SLC39A4: variants seen among roughly 807,000 people sequenced by gnomAD.
SLC39A4 encodes the protein zinc transporter ZIP4.
A neutral mutation model predicts 56.6 loss-of-function variants in SLC39A4; 49 were observed. The ratio of observed to expected loss-of-function variants is 0.87; its 90% CI spans 0.69 to 1.10. The LOEUF is 1.10. SLC39A4 is among the 50% of genes least tolerant of loss of function. SLC39A4 has a pLI of 0.00. For synonymous variants in SLC39A4, 540 were observed against 420.4 expected (o/e 1.28, Z -3.48); for missense variants, 993 against 864.2 (o/e 1.15, Z -1.87).
rs200819089 is a variant in SLC39A4, at chr8:144,415,303, G to A, written c.591C>T (p.His197=). The change falls in exon 3 of 12, where the codon CAC becomes CAT. Residue 197 remains histidine (H), a synonymous_variant. Coordinates refer to ENST00000301305, the MANE Select transcript of SLC39A4 (RefSeq NM_130849.4). The part of the protein sequence containing the change: ...LDHVRSGSCF[H]ALPSPQYFVD... The stretch of plus-strand genomic sequence containing the variant: ...CGAAGTACTGAGGGCTCGGCAAGGC[G>A]TGGAAGCAAGACCCGCTCCTGACAT... The A allele has an allele frequency of 5.6e-5, 90 of 1,613,158 alleles. No individual in the cohort carries two copies. The highest frequency in any genetic ancestry group is 4.0e-4 in the East Asian group (18 of 44,882).
intron 4 of SLC39A4, 34 bp downstream of exon 4, chr8:144,414,940 G>A (rs966652312): frequency 1.9e-6 from 3 of 1,612,886 alleles, no homozygotes; most frequent in African/African-American, 1.3e-5. Context: ...GCAGACCCCG[G>A]TGAGGCCCCA....
chr8:144,415,875 T>G lies in SLC39A4; in HGVS notation c.409A>C (p.Thr137Pro), dbSNP rs1554873816. Reference protein sequence around the residue: ...LALLESPKALTPGLSWLLQRM... With the variant: ...LALLESPKALPPGLSWLLQRM... ...TGCAGCAGCCAGCTCAGGCCCGGGG[T>G]CAGGGCCTTGGGGCTCTCGAGCAGG... Residue 137 changes from threonine to proline, a missense_variant, in exon 2 of 12, where the codon ACC (threonine) becomes CCC (proline). By Grantham distance (38) the Thr-to-Pro change is conservative. Transcript: ENST00000301305. 2.5e-6 allele frequency: 4 copies of G among 1,596,946 alleles called. No individual in the cohort carries two copies. The highest frequency in any genetic ancestry group is 2.2e-5 in the South Asian group (2 of 89,840).
rs781829841 is a variant in SLC39A4 at position 144,414,099 on chromosome 8, G to A, written c.1150-4C>T. ...TGTGTGTATGCAGCCCCAGCACCTGGGGAGTAGGGGCGCTGGGCTGGGGGG... is the reference window on the plus strand; with the variant it reads ...TGTGTGTATGCAGCCCCAGCACCTGAGGAGTAGGGGCGCTGGGCTGGGGGG... On this transcript the variant is annotated splice_region_variant and splice_polypyrimidine_tract_variant and intron_variant, in intron 6 of 11. Coordinates refer to ENST00000301305, the MANE Select transcript of SLC39A4 (RefSeq NM_130849.4). 6.4e-7 allele frequency: 1 copy of A among 1,555,810 alleles called. No individual in the cohort carries two copies. Among genetic ancestry groups the A allele is most frequent in the African/African-American group, 1.4e-5 (1 of 73,384 alleles).
rs927556104 is a variant in SLC39A4, at chr8:144,413,515, G to A, written c.1472C>T (p.Pro491Leu). The change falls in exon 9 of 12, where the codon CCA becomes CTA. Residue 491 changes from proline (P) to leucine (L), a missense_variant and splice_region_variant. Transcript: ENST00000301305. Reference sequence around the variant, plus strand: ...CCGGGGTCGCCCCCTGGGCTCACCTGGGCTCAGTCTCCTGGGCTCAGGGTT... The same window carrying A: ...CCGGGGTCGCCCCCTGGGCTCACCTAGGCTCAGTCTCCTGGGCTCAGGGTT... The part of the protein sequence containing the change: ...LLNPEPRRLS[P>L]ELRLLPYMIT... 3 of 1,556,818 alleles carry A rather than the reference G, an allele frequency of 1.9e-6. No individual in the cohort carries two copies. The highest frequency in any genetic ancestry group is 1.7e-6 in the Non-Finnish European group (2 of 1,150,256).
At position 144,414,073 on chromosome 8, in the gene SLC39A4, CTG is replaced by C; in HGVS notation, c.1170_1171del (p.His390GlnfsTer27). ...GGGCTGTGGGCTGAGGCCCTCTTCG[CTG>C]TGTGTATGCAGCCCCAGCACCTGGG... On this transcript the variant is annotated frameshift_variant, in exon 7 of 12. Transcript: ENST00000301305. LOFTEE classifies it high-confidence loss of function. 1 of 1,561,794 alleles carries C rather than the reference CTG, an allele frequency of 6.4e-7. No homozygotes were observed. Among genetic ancestry groups the C allele is most frequent in the Non-Finnish European group, 8.7e-7 (1 of 1,153,278 alleles).
Position 144,415,344 on chromosome 8 carries a change from C to G in SLC39A4, c.550G>C (p.Ala184Pro). The change falls in exon 3 of 12, where the codon GCT becomes CCT. Residue 184 changes from alanine to proline, a missense_variant. Physicochemically the swap from Ala to Pro is conservative, Grantham distance 27 (BLOSUM62 -1). Coordinates refer to ENST00000301305, the MANE Select transcript of SLC39A4 (RefSeq NM_130849.4). Reference sequence around the variant, plus strand: ...CTCCTGACATGGTCCAGCAGGGCAGCCAGGACGCCGCCAGCACTGCCCGGA... The same window carrying G: ...CTCCTGACATGGTCCAGCAGGGCAGGCAGGACGCCGCCAGCACTGCCCGGA... The part of the protein sequence containing the change: ...GAPGSAGGVL[A>P]ALLDHVRSGS... 1 of 1,611,940 alleles carries G rather than the reference C, an allele frequency of 6.2e-7. No homozygotes were observed. The highest frequency in any genetic ancestry group is 8.5e-7 in the Non-Finnish European group (1 of 1,179,524).
At chr8:144,414,218 G>A (rs1564708380) in intron 6 of SLC39A4, 44 bp downstream of exon 6, 1 of 1,597,046 alleles carries the variant, frequency 6.3e-7, no homozygotes, top group Admixed American at 1.8e-5. Context: ...GGGAGTCCAT[G>A]GTGGGGAACG....
At position 144,415,826 on chromosome 8, in the gene SLC39A4, C is replaced by T. The variant is rs190731446; in HGVS notation, c.458G>A (p.Gly153Asp). The T allele has an allele frequency of 2.5e-6, 4 of 1,594,178 alleles. No homozygotes were observed. The highest frequency in any genetic ancestry group is 2.6e-6 in the Non-Finnish European group (3 of 1,175,470). Residue 153 changes from glycine to aspartate, a missense_variant, in exon 2 of 12, where the codon GGC becomes GAC. Physicochemically the swap from Gly to Asp is moderately conservative, Grantham distance 94. Transcript: ENST00000301305. ...LLQRMQARAA[G>D]QTPKMACVDI... ...CTCCCTCACCATCTTGGGGGTCTGG[C>T]CGGCAGCCCGGGCCTGCATCCTCTG...
chr8:144,414,481 C>T (rs1213812726), intron 5 of SLC39A4, 47 bp from the exon 6 acceptor site: 14 of 1,548,264 alleles, frequency 9.0e-6, no homozygotes, highest in African/African-American at 1.4e-5. Context: ...CCAGACTCAG[C>T]CCCTGCTTCC....
chr8:144,412,439 G>C lies in SLC39A4; in HGVS notation c.*99C>G. 6.3e-7 allele frequency: 1 copy of C among 1,587,198 alleles called. No homozygotes were observed. Among genetic ancestry groups the C allele is most frequent in the Non-Finnish European group, 8.6e-7 (1 of 1,157,612 alleles). ...TCCAAGGACAAGAGTGTCTTTACTG[G>C]AGTTGGGACTGGGGCCTCTATAGGG... On this transcript the variant is annotated 3_prime_UTR_variant, in exon 12 of 12. Coordinates refer to ENST00000301305, the MANE Select transcript of SLC39A4 (RefSeq NM_130849.4).
intron 11 of SLC39A4, 44 bp downstream of exon 11, chr8:144,412,715 C>T (rs1554871875): frequency 1.2e-6 from 2 of 1,613,434 alleles, no homozygotes; most frequent in Non-Finnish European, 1.7e-6. Flanking sequence ...AGCTCCTCTG[C>T]TCAGCTCCCG....
chr8:144,415,741 C>A (rs1035402756), intron 2 of SLC39A4, 69 bp downstream of exon 2: 4 of 1,482,882 alleles, frequency 2.7e-6, no homozygotes, highest in Non-Finnish European at 3.6e-6. Flanking sequence ...GCTTTGCAGC[C>A]AGGCCGGGTC....
At chr8:144,416,421 C>G (rs753873322) in intron 1 of SLC39A4, 177 bp downstream of exon 1, 4 of 1,447,678 alleles carry the variant, frequency 2.8e-6, no homozygotes, top group Non-Finnish European at 3.6e-6. Context: ...AAAGGCCTGT[C>G]TGCCCTCATG....
At chr8:144,413,214 T>G (rs1554872210) in intron 10 of SLC39A4, 23 bp downstream of exon 10, 1 of 1,415,150 alleles carries the variant, frequency 7.1e-7, no homozygotes, top group Non-Finnish European at 9.4e-7. Flanking sequence ...GCCCATCTCC[T>G]TCCAGGCCCC....
Position 144,415,153 on chromosome 8 carries a change from C to T in SLC39A4, c.668-43G>A, listed in dbSNP as rs782152455. 38 of 1,612,704 alleles carry T rather than the reference C, an allele frequency of 2.4e-5. 1 individual carries two copies. In the Middle Eastern group the frequency reaches 2.1e-3, roughly 91 times the overall value. ...TGGCACCGCGAGTCTGTGTGGGCTC[C>T]GGCCCTGCCCCCCAGGGACGTGGAG... On this transcript the variant is annotated intron_variant, in intron 3 of 11. Transcript: ENST00000301305.
intron 10 of SLC39A4, 71 bp from the exon 11 acceptor site, chr8:144,413,017 C>T: frequency 6.6e-7 from 1 of 1,525,584 alleles, no homozygotes; most frequent in South Asian, 1.2e-5. Context: ...TTCGGTCCCG[C>T]CCTCTTACCA....
In SLC39A4 at chr8:144,416,731, G is replaced by C; in HGVS notation, c.59C>G (p.Ala20Gly). Reference protein sequence around the residue: ...GLLLAVLVVTATASPPAGLLS... With the variant: ...GLLLAVLVVTGTASPPAGLLS... Reference sequence around the variant, plus strand: ...CAGACCAGCAGGCGGGGACGCCGTCGCCGTCACCACCAGCACAGCCAGAAG... The same window carrying C: ...CAGACCAGCAGGCGGGGACGCCGTCCCCGTCACCACCAGCACAGCCAGAAG... The change falls in exon 1 of 12, where the codon GCG becomes GGG. Residue 20 changes from alanine to glycine, a missense_variant. By Grantham distance (60) the Ala-to-Gly change is moderately conservative. Transcript: ENST00000301305. 6.2e-7 allele frequency: 1 copy of C among 1,612,460 alleles called. No individual in the cohort carries two copies. Among genetic ancestry groups the C allele is most frequent in the South Asian group, 1.1e-5 (1 of 91,032 alleles).
In SLC39A4 at chr8:144,414,668, C is replaced by T. The variant is rs1822087361; in HGVS notation, c.976+57G>A. 7 of 1,599,032 alleles carry T rather than the reference C, an allele frequency of 4.4e-6. No individual in the cohort carries two copies. The Admixed American group carries it at 8.4e-5, about 19-fold the overall frequency. On this transcript the variant is annotated intron_variant, in intron 5 of 11. Transcript: ENST00000301305. ...CCTCATCCTGGGCAGCCACTCCTTC[C>T]TTCCTACACGGGCTCCACCTCTGTG...
chr8:144,413,597 G>A (rs996011665), intron 8 of SLC39A4, 30 bp from the exon 9 acceptor site: 19 of 1,549,328 alleles, frequency 1.2e-5, no homozygotes, highest in African/African-American at 5.5e-5. Flanking sequence ...AGTCCCGCCC[G>A]GAAGTGGAGG....
Sources: allele counts gnomAD v4.1 joint callset, GRCh38; gene constraint gnomAD v4.1.1; transcripts MANE v1.5; gene names NCBI Gene and HGNC (gene_info 2026-07-23, HGNC 2026-07-21).